Variants in REDIC1 observed in about 807,000 individuals in gnomAD.
REDIC1 encodes the protein HEI10 Interacting Protein 1.
At chr12:39,626,306 C>T in the REDIC1 span, 1 of 1,613,726 alleles carries the variant, frequency 6.2e-7, no homozygotes, top group Non-Finnish European at 8.5e-7. Context: ...GCTCTAGACA[C>T]AGGGACCTCA....
At chr12:39,730,770 C>T in the REDIC1 span, among the ~76,000 whole-genome samples, 17 of 152,158 alleles carry the variant, frequency 1.1e-4, no homozygotes, top group Non-Finnish European at 2.2e-4. Flanking sequence ...CCATTCTCCC[C>T]GTCACCTTCA....
At chr12:39,654,445 C>T in the REDIC1 span, among the ~76,000 whole-genome samples, 2 of 151,762 alleles carry the variant, frequency 1.3e-5, no homozygotes, top group Non-Finnish European at 1.5e-5. Flanking sequence ...AAAATTAGTC[C>T]GGTGTGGTGG....
At chr12:39,787,943 C>A in the REDIC1 span, among the ~76,000 whole-genome samples, 1 of 152,090 alleles carries the variant, frequency 6.6e-6, no homozygotes, top group African/African-American at 2.4e-5. Context: ...GTACTTGGTA[C>A]TAATGTAATA....
At chr12:39,712,869 ATATACACGT>A in the REDIC1 span, among the ~76,000 whole-genome samples, 1 of 145,754 alleles carries the variant, frequency 6.9e-6, no homozygotes, top group Non-Finnish European at 1.5e-5. Context: ...ATATACACGT[ATATACACGT>A]ATATACATAT....
chr12:39,713,101 A>T, the REDIC1 span, among the ~76,000 whole-genome samples: 2 of 148,980 alleles, frequency 1.3e-5, no homozygotes, highest in Admixed American at 6.7e-5. Context: ...AGATATGTGC[A>T]TATACGTATA....
chr12:39,644,079 C>T, the REDIC1 span, among the ~76,000 whole-genome samples: 6 of 151,672 alleles, frequency 4.0e-5, no homozygotes, highest in East Asian at 1.9e-4. Context: ...CTGCTTAAAA[C>T]GTTTTGTTGC....
At chr12:39,626,230 A>C in the REDIC1 span, 1 of 1,251,870 alleles carries the variant, frequency 8.0e-7, no homozygotes, top group Non-Finnish European at 1.1e-6. Context: ...TCGGGCCCTG[A>C]CGTTGTCAGG....
chr12:39,761,285 G>C, the REDIC1 span, among the ~76,000 whole-genome samples: 1 of 151,904 alleles, frequency 6.6e-6, no homozygotes, highest in South Asian at 2.1e-4. Flanking sequence ...TTAAGTGTTG[G>C]CAGTTTATGA....
the REDIC1 span, among the ~76,000 whole-genome samples, chr12:39,677,133 A>C: frequency 6.6e-6 from 1 of 152,082 alleles, no homozygotes; most frequent in Non-Finnish European, 1.5e-5. Flanking sequence ...TAAATGCTTC[A>C]CTTTAGCATT....
At chr12:39,692,266 A>G in the REDIC1 span, 26 of 687,730 alleles carry the variant, frequency 3.8e-5, no homozygotes, top group Non-Finnish European at 5.4e-5. Context: ...CGTTAAAATT[A>G]CTTTTATATT....
the REDIC1 span, among the ~76,000 whole-genome samples, chr12:39,818,691 T>TA: frequency 6.6e-6 from 1 of 152,188 alleles, no homozygotes; most frequent in Non-Finnish European, 1.5e-5. Flanking sequence ...TTTGGTATAC[T>TA]ATCTTAGGTT....
the REDIC1 span, among the ~76,000 whole-genome samples, chr12:39,740,823 C>T: frequency 1.3e-5 from 2 of 152,224 alleles, no homozygotes; most frequent in East Asian, 3.9e-4. Context: ...TGTGAAAACA[C>T]AGCTGTTTCA....
At chr12:39,717,124 CAT>C in the REDIC1 span, among the ~76,000 whole-genome samples, 1 of 149,656 alleles carries the variant, frequency 6.7e-6, no homozygotes, top group Non-Finnish European at 1.5e-5. Context: ...TATATACATA[CAT>C]ATATATACAT....
At chr12:39,866,624 C>T in the REDIC1 span, among the ~76,000 whole-genome samples, 4 of 152,150 alleles carry the variant, frequency 2.6e-5, no homozygotes, top group African/African-American at 7.2e-5. Flanking sequence ...GGACTACAGG[C>T]GCCCGCCACC....
the REDIC1 span, among the ~76,000 whole-genome samples, chr12:39,732,896 G>T: frequency 6.6e-6 from 1 of 152,066 alleles, no homozygotes; most frequent in African/African-American, 2.4e-5. Context: ...GCATGACAAG[G>T]CCTTGTAAGG....
the REDIC1 span, among the ~76,000 whole-genome samples, chr12:39,644,630 A>G: frequency 6.6e-6 from 1 of 151,852 alleles, no homozygotes; most frequent in Non-Finnish European, 1.5e-5. Context: ...CCCTCCACAG[A>G]TAACAGTTTA....
the REDIC1 span, among the ~76,000 whole-genome samples, chr12:39,768,621 T>TA: frequency 1.3e-5 from 2 of 152,092 alleles, no homozygotes; most frequent in East Asian, 3.9e-4. Flanking sequence ...AGGAAACAGC[T>TA]GGTTGGTGGA....
chr12:39,637,410 C>A, the REDIC1 span, among the ~76,000 whole-genome samples: 1 of 152,116 alleles, frequency 6.6e-6, no homozygotes, highest in East Asian at 1.9e-4. Flanking sequence ...ACCTCATTCC[C>A]ACTTTCTAGC....
chr12:39,708,487 C>G, the REDIC1 span, among the ~76,000 whole-genome samples: 2 of 151,600 alleles, frequency 1.3e-5, no homozygotes, highest in Non-Finnish European at 3.0e-5. Context: ...TTTAGACTCT[C>G]CAGACTCTTC....
Sources: gnomAD v4.1 joint callset for allele counts (sites outside exome capture counted in the v4.1 genomes callset) on GRCh38, gnomAD v4.1.1 for gene constraint, MANE v1.5 for transcripts, NCBI Gene and HGNC (gene_info 2026-07-23, HGNC 2026-07-21) for gene names.